ATXN7L1: variants seen among roughly 807,000 people sequenced by gnomAD.
ATXN7L1 encodes the protein ataxin 7 like 1, also known as ataxin-7-like protein 1.
ATXN7L1 carries 15 observed loss-of-function variants against 70.8 expected under a neutral mutation model. The ratio of observed to expected loss-of-function variants is 0.21; its 90% CI spans 0.14 to 0.33. The LOEUF is 0.33. ATXN7L1 is among the 10% of genes least tolerant of loss of function. The probability of loss-of-function intolerance (pLI) is 1.00; values close to 1 mark genes in which losing one functional copy is unlikely to be tolerated. For synonymous variants in ATXN7L1, 440 were observed against 445.1 expected (o/e 0.99, Z 0.14); for missense variants, 975 against 1,097.1 (o/e 0.89, Z 1.57).
intron 3 of ATXN7L1, among the ~76,000 whole-genome samples, chr7:105,721,073 A>T (rs1470211379): frequency 6.6e-6 from 1 of 152,148 alleles, no homozygotes. Flanking sequence ...GAGCAGCAAC[A>T]ACCACGACCA....
intron 10 of ATXN7L1, among the ~76,000 whole-genome samples, chr7:105,612,042 G>A (rs189470855): frequency 3.7e-4 from 56 of 152,200 alleles, no homozygotes; most frequent in Admixed American, 2.4e-3. Flanking sequence ...TTTCACCACC[G>A]CTTCTGGCTG....
intron 2 of ATXN7L1, among the ~76,000 whole-genome samples, chr7:105,806,268 TA>T (rs968932425): frequency 6.6e-6 from 1 of 151,910 alleles, no homozygotes; most frequent in African/African-American, 2.4e-5. Flanking sequence ...CATGGGGACC[TA>T]AAAGTGGAGC....
At chr7:105,730,074 T>C (rs1432961591) in intron 3 of ATXN7L1, among the ~76,000 whole-genome samples, 1 of 152,084 alleles carries the variant, frequency 6.6e-6, no homozygotes, top group Non-Finnish European at 1.5e-5. Flanking sequence ...GCACAGTGAC[T>C]TCCTTCCAGA....
intron 7 of ATXN7L1, among the ~76,000 whole-genome samples, chr7:105,624,629 G>A (rs181267596): frequency 3.5e-4 from 43 of 123,516 alleles, no homozygotes; most frequent in Admixed American, 3.2e-3. Flanking sequence ...CAGCCTGGGC[G>A]ACAGAGCAAG....
At chr7:105,713,535 G>A (rs1794173086) in intron 3 of ATXN7L1, among the ~76,000 whole-genome samples, 2 of 152,268 alleles carry the variant, frequency 1.3e-5, no homozygotes, top group Non-Finnish European at 1.5e-5. Context: ...ATGTGGGTCT[G>A]TGGAGCTTTA....
At chr7:105,860,168 T>TATATATATATA (rs1585173818) in intron 2 of ATXN7L1, among the ~76,000 whole-genome samples, 1 of 138,352 alleles carries the variant, frequency 7.2e-6, no homozygotes, top group Non-Finnish European at 1.6e-5. Flanking sequence ...TATATATATA[T>TATATATATATA]GAAAACAAGA....
chr7:105,723,810 T>A (rs1177709091), intron 3 of ATXN7L1, among the ~76,000 whole-genome samples: 1 of 152,128 alleles, frequency 6.6e-6, no homozygotes, highest in African/African-American at 2.4e-5. Flanking sequence ...CTGGGCTGTT[T>A]AACAGGGCCG....
At chr7:105,827,347 A>G (rs1423200465) in intron 2 of ATXN7L1, among the ~76,000 whole-genome samples, 1 of 152,246 alleles carries the variant, frequency 6.6e-6, no homozygotes, top group Non-Finnish European at 1.5e-5. Context: ...TTACTGTGGT[A>G]AAATAAACCA....
intron 2 of ATXN7L1, among the ~76,000 whole-genome samples, 184 bp downstream of exon 2, chr7:105,875,628 C>CCA (rs66660368): frequency 3.2e-4 from 3 of 9,260 alleles, no homozygotes; most frequent in African/African-American, 5.1e-4. Context: ...CCCCCCTTTA[C>CCA]CCCCCCCCCA....
chr7:105,859,041 A>C (rs1816155507), intron 2 of ATXN7L1, among the ~76,000 whole-genome samples: 1 of 151,948 alleles, frequency 6.6e-6, no homozygotes, highest in African/African-American at 2.4e-5. Flanking sequence ...ATGCAGCTAT[A>C]AGCTTTTGGG....
intron 4 of ATXN7L1, among the ~76,000 whole-genome samples, chr7:105,664,494 GTATAA>G (rs953503341): frequency 4.8e-4 from 48 of 99,354 alleles, no homozygotes; most frequent in African/African-American, 8.9e-4. Context: ...ATACATATAT[GTATAA>G]TATATGTATA....
chr7:105,850,583 A>G (rs576451504), intron 2 of ATXN7L1, among the ~76,000 whole-genome samples: 2 of 152,358 alleles, frequency 1.3e-5, no homozygotes, highest in East Asian at 1.9e-4. Flanking sequence ...TGCTGAACCC[A>G]GATCTCTCTG....
At chr7:105,866,688 G>C (rs1817530034) in intron 2 of ATXN7L1, among the ~76,000 whole-genome samples, 1 of 152,222 alleles carries the variant, frequency 6.6e-6, no homozygotes, top group South Asian at 2.1e-4. Context: ...GTAATCAGCA[G>C]AACACTGGAC....
At chr7:105,694,735 C>A (rs1297748729) in intron 3 of ATXN7L1, among the ~76,000 whole-genome samples, 1 of 152,248 alleles carries the variant, frequency 6.6e-6, no homozygotes, top group African/African-American at 2.4e-5. Flanking sequence ...CAGGGCCACA[C>A]TGCAAACCAC....
At chr7:105,779,428 T>C (rs1803222004) in intron 3 of ATXN7L1, among the ~76,000 whole-genome samples, 1 of 152,192 alleles carries the variant, frequency 6.6e-6, no homozygotes. Context: ...ATTTGAGCAG[T>C]AGCAAGTCCA....
intron 2 of ATXN7L1, among the ~76,000 whole-genome samples, chr7:105,842,440 G>A (rs994764911): frequency 2.0e-5 from 3 of 152,052 alleles, no homozygotes; most frequent in African/African-American, 7.2e-5. Flanking sequence ...TATTCTGAAT[G>A]TTTCATATGC....
intron 7 of ATXN7L1, among the ~76,000 whole-genome samples, chr7:105,636,457 C>G (rs748154471): frequency 7.3e-6 from 1 of 137,530 alleles, no homozygotes; most frequent in South Asian, 2.2e-4. Flanking sequence ...GCCCCCCCCA[C>G]CCCCACTTCT....
At chr7:105,855,903 A>C (rs982247906) in intron 2 of ATXN7L1, among the ~76,000 whole-genome samples, 13 of 152,204 alleles carry the variant, frequency 8.5e-5, no homozygotes, top group Non-Finnish European at 1.6e-4. Flanking sequence ...TTATATGTAA[A>C]TACTACACCA....
chr7:105,626,620 C>T (rs1180126557), intron 7 of ATXN7L1, among the ~76,000 whole-genome samples: 6 of 152,182 alleles, frequency 3.9e-5, no homozygotes, highest in African/African-American at 7.2e-5. Flanking sequence ...ATTCATTCTG[C>T]GTGTCTACAG....
Sources: allele counts gnomAD v4.1 joint callset (sites outside exome capture counted in the v4.1 genomes callset), GRCh38; gene constraint gnomAD v4.1.1; transcripts MANE v1.5; gene names NCBI Gene and HGNC (gene_info 2026-07-23, HGNC 2026-07-21).